The following NFIB variants were observed in gnomAD, a reference collection of about 807,000 sequenced individuals.
The protein encoded by NFIB is nuclear factor 1 B-type.
NFIB carries 11 observed loss-of-function variants against 61.5 expected under a neutral mutation model. The ratio of observed to expected loss-of-function variants is 0.18; its 90% CI spans 0.11 to 0.30. NFIB has a LOEUF of 0.30. Ranked by LOEUF, NFIB falls within the 10% of genes least tolerant of loss-of-function variation. NFIB has a pLI of 1.00. For synonymous variants in NFIB, 260 were observed against 216.5 expected, an observed-to-expected ratio of 1.20 and a Z score of -1.76; for missense variants, 471 against 608.9, an observed-to-expected ratio of 0.77 and a Z score of 2.38.
In NFIB at chr9:14,313,541, G is replaced by A. The variant is rs763112951; in HGVS notation, c.-30C>T. On this transcript the variant is annotated 5_prime_UTR_variant, in exon 1 of 11. Transcript: ENST00000380953. The surrounding 1 kb of genome is among the most constrained non-coding windows in gnomAD (Gnocchi z 4.5). Reference sequence around the variant, plus strand: ...TCGCCTTAAAACGCACTTTCCGGGAGATGCCCAAGAAAATCTTCGAGAAGC... The same window carrying A: ...TCGCCTTAAAACGCACTTTCCGGGAAATGCCCAAGAAAATCTTCGAGAAGC... The A allele has an allele frequency of 6.2e-6, 10 of 1,613,260 alleles. No homozygotes were observed. Among genetic ancestry groups the A allele is most frequent in the Non-Finnish European group, 7.6e-6 (9 of 1,179,700 alleles).
intron 2 of NFIB, among the ~76,000 whole-genome samples, chr9:14,231,135 A>AAAAAAAATATATAT (rs55959148): frequency 8.5e-5 from 3 of 35,342 alleles, no homozygotes; most frequent in Non-Finnish European, 1.1e-4. Context: ...AAAAAAAAAA[A>AAAAAAAATATATAT]ATATATATAT....
chr9:14,269,871 A>AT, intron 2 of NFIB, among the ~76,000 whole-genome samples: 1 of 152,286 alleles, frequency 6.6e-6, no homozygotes, highest in East Asian at 1.9e-4. Context: ...AGAACTCATA[A>AT]TTTTTACTTT....
At chr9:14,202,930 T>C (rs1343415123) in intron 2 of NFIB, among the ~76,000 whole-genome samples, 1 of 152,244 alleles carries the variant, frequency 6.6e-6, no homozygotes, top group Non-Finnish European at 1.5e-5. Context: ...TAGAAAATTA[T>C]TTCTTTCACT....
chr9:14,176,256 TAA>T (rs58705977), intron 3 of NFIB, among the ~76,000 whole-genome samples: 105,932 of 131,440 alleles, frequency 0.81, 43,997 homozygotes, highest in Non-Finnish European at 0.93. Context: ...ATTAACTTGT[TAA>T]AAAAAAAAAA....
chr9:14,482,153 T>A, the NFIB span, among the ~76,000 whole-genome samples: 1 of 142,088 alleles, frequency 7.0e-6, no homozygotes, highest in Non-Finnish European at 1.5e-5. Flanking sequence ...AACAAGGTTT[T>A]GGTCACTGAG....
At chr9:14,274,991 GA>G (rs954087829) in intron 2 of NFIB, among the ~76,000 whole-genome samples, 3 of 152,244 alleles carry the variant, frequency 2.0e-5, no homozygotes, top group Admixed American at 2.0e-4. Context: ...GTTTTGTTTT[GA>G]AGTTAATTTA....
At chr9:14,517,621 G>A in the NFIB span, among the ~76,000 whole-genome samples, 5 of 151,126 alleles carry the variant, frequency 3.3e-5, no homozygotes, top group African/African-American at 9.8e-5. Flanking sequence ...AGCGGTGGTC[G>A]TGGTGGTGTA....
intron 2 of NFIB, among the ~76,000 whole-genome samples, chr9:14,265,822 A>C (rs922585190): frequency 6.6e-6 from 1 of 152,224 alleles, no homozygotes; most frequent in African/African-American, 2.4e-5. Flanking sequence ...GAAAGAGTTC[A>C]TTTAGCAATA....
intron 1 of NFIB, among the ~76,000 whole-genome samples, chr9:14,348,324 T>G (rs534904920): frequency 7.1e-6 from 1 of 140,576 alleles, no homozygotes; most frequent in South Asian, 2.3e-4. Context: ...GGTTCTGTAG[T>G]AACTACCGGG....
the NFIB span, among the ~76,000 whole-genome samples, chr9:14,452,809 A>G: frequency 6.6e-6 from 1 of 152,196 alleles, no homozygotes; most frequent in African/African-American, 2.4e-5. Flanking sequence ...TGCTGATGAC[A>G]GGATTACATA....
chr9:14,155,931 G>A, intron 3 of NFIB, 38 bp from the exon 4 acceptor site: 1 of 1,288,982 alleles, frequency 7.8e-7, no homozygotes, highest in South Asian at 1.4e-5. Context: ...ATCAATATAA[G>A]CAGAAAGTAA....
chr9:14,474,437 G>A, the NFIB span, among the ~76,000 whole-genome samples: 1 of 152,142 alleles, frequency 6.6e-6, no homozygotes, highest in South Asian at 2.1e-4. Context: ...TTGGGGATTA[G>A]GTTTTAACAT....
intron 1 of NFIB, among the ~76,000 whole-genome samples, chr9:14,371,534 A>C (rs2061358726): frequency 6.6e-6 from 1 of 152,228 alleles, no homozygotes; most frequent in South Asian, 2.1e-4. Context: ...CCTATGTCTC[A>C]GAAATAAAAA....
the NFIB span, among the ~76,000 whole-genome samples, chr9:14,457,914 T>A: frequency 3.5e-3 from 537 of 152,286 alleles, 4 homozygotes; most frequent in African/African-American, 0.012. Flanking sequence ...CCAGGCGGAT[T>A]CACAGCCAAA....
At chr9:14,235,140 C>T (rs1248024178) in intron 2 of NFIB, among the ~76,000 whole-genome samples, 1 of 151,972 alleles carries the variant, frequency 6.6e-6, no homozygotes, top group African/African-American at 2.4e-5. Context: ...CGATTGAAAA[C>T]AAAATAAAGA....
At chr9:14,516,356 T>C in the NFIB span, among the ~76,000 whole-genome samples, 1 of 152,160 alleles carries the variant, frequency 6.6e-6, no homozygotes, top group Admixed American at 6.5e-5. Flanking sequence ...TATTTGGGAG[T>C]ATTTCAGATT....
At chr9:14,257,441 T>C (rs1211253435) in intron 2 of NFIB, among the ~76,000 whole-genome samples, 2 of 152,070 alleles carry the variant, frequency 1.3e-5, no homozygotes, top group Non-Finnish European at 2.9e-5. Flanking sequence ...AGAGAAAACC[T>C]CAAAAATCTT....
At chr9:14,135,142 C>G (rs543105543) in intron 6 of NFIB, among the ~76,000 whole-genome samples, 1 of 152,120 alleles carries the variant, frequency 6.6e-6, no homozygotes, top group Non-Finnish European at 1.5e-5. Context: ...TTTTTATTTT[C>G]TTCTTCATAT....
chr9:14,473,050 T>G, the NFIB span, among the ~76,000 whole-genome samples: 1 of 152,188 alleles, frequency 6.6e-6, no homozygotes, highest in African/African-American at 2.4e-5. Flanking sequence ...CATCCCATGA[T>G]GTAGAATTTT....
Sources: gnomAD v4.1 joint callset for allele counts (sites outside exome capture counted in the v4.1 genomes callset) on GRCh38, gnomAD v4.1.1 for gene constraint, Gnocchi (gnomAD v3.1) non-coding constraint, MANE v1.5 for transcripts, NCBI Gene and HGNC (gene_info 2026-07-23, HGNC 2026-07-21) for gene names.